Variants in CACNB4 observed in about 807,000 individuals in gnomAD.
CACNB4 encodes the protein calcium voltage-gated channel auxiliary subunit beta 4, also known as voltage-dependent L-type calcium channel subunit beta-4.
CACNB4 carries 32 observed loss-of-function variants against 71.2 expected under a neutral mutation model. The observed-to-expected ratio is 0.45, with a 90% CI of 0.34 to 0.60. CACNB4 has a LOEUF of 0.60. CACNB4 is among the 20% of genes least tolerant of loss of function. CACNB4 has a pLI of 0.01. For synonymous variants in CACNB4, 231 were observed against 236.9 expected (o/e 0.97, Z 0.23); for missense variants, 464 against 647.9 (o/e 0.72, Z 3.08).
chr2:151,907,556 C>T (rs565410854), intron 2 of CACNB4, among the ~76,000 whole-genome samples: 115 of 152,294 alleles, frequency 7.6e-4, no homozygotes, highest in African/African-American at 2.6e-3. Flanking sequence ...ATTAATAAAA[C>T]GCCAGTCTTT....
At chr2:151,855,157 A>G in intron 11 of CACNB4, 67 bp downstream of exon 11, 1 of 1,169,078 alleles carries the variant, frequency 8.6e-7, no homozygotes, top group Non-Finnish European at 1.2e-6. Flanking sequence ...CTAACAAAAA[A>G]CCACAGAGCA....
At chr2:151,956,587 C>A (rs2099868319) in intron 2 of CACNB4, among the ~76,000 whole-genome samples, 2 of 152,238 alleles carry the variant, frequency 1.3e-5, no homozygotes, top group Admixed American at 1.3e-4. Flanking sequence ...TTAAAATGTT[C>A]TAAATTGGTC....
chr2:151,969,253 C>T (rs17270346), intron 2 of CACNB4: 33,570 of 152,054 alleles, frequency 0.22, 3,912 homozygotes, highest in Middle Eastern at 0.41. Context: ...TTTTTGACTC[C>T]AGAAGAGATG....
intron 2 of CACNB4, among the ~76,000 whole-genome samples, chr2:151,939,829 A>C (rs1341258228): frequency 6.6e-6 from 1 of 152,240 alleles, no homozygotes; most frequent in East Asian, 1.9e-4. Context: ...GTTCTTGGGA[A>C]AGCAAAAACA....
At chr2:151,955,500 C>T (rs942798105) in intron 2 of CACNB4, among the ~76,000 whole-genome samples, 5 of 152,182 alleles carry the variant, frequency 3.3e-5, no homozygotes, top group African/African-American at 1.2e-4. Context: ...CCATCCAAGA[C>T]TGCAGGTGGC....
intron 2 of CACNB4, among the ~76,000 whole-genome samples, chr2:151,979,218 G>C (rs1352558718): frequency 6.6e-6 from 1 of 152,138 alleles, no homozygotes; most frequent in Non-Finnish European, 1.5e-5. Flanking sequence ...CGGAGACAGG[G>C]ATAAAGAGGC....
intron 2 of CACNB4, among the ~76,000 whole-genome samples, chr2:151,934,279 T>C (rs776278827): frequency 1.3e-5 from 2 of 152,228 alleles, no homozygotes; most frequent in Non-Finnish European, 2.9e-5. Flanking sequence ...GAAGTGAATG[T>C]CGCCGCTTGG....
At chr2:151,959,075 A>C (rs2099869009) in intron 2 of CACNB4, among the ~76,000 whole-genome samples, 1 of 152,204 alleles carries the variant, frequency 6.6e-6, no homozygotes, top group Non-Finnish European at 1.5e-5. Flanking sequence ...AATCTGGGAA[A>C]TGCTTCCAAA....
At chr2:151,880,616 T>C (rs1052934733) in intron 4 of CACNB4, 184 bp downstream of exon 4, 2 of 633,206 alleles carry the variant, frequency 3.2e-6, no homozygotes, top group South Asian at 1.9e-5. Flanking sequence ...TGTGTGATAA[T>C]GCAAGCAATG....
At chr2:152,080,125 G>A (rs987979887) in intron 2 of CACNB4, among the ~76,000 whole-genome samples, 1 of 151,224 alleles carries the variant, frequency 6.6e-6, no homozygotes, top group African/African-American at 2.4e-5. Flanking sequence ...TTAATTTACT[G>A]TCTTTTTTTT....
At chr2:152,011,880 C>T (rs756973950) in intron 2 of CACNB4, among the ~76,000 whole-genome samples, 20 of 152,160 alleles carry the variant, frequency 1.3e-4, no homozygotes, top group Non-Finnish European at 2.2e-4. Flanking sequence ...CACCTAGTGA[C>T]TCTGTAGCTG....
In CACNB4 at chr2:151,859,375, T is replaced by G. The variant is rs190764096; in HGVS notation, c.868+1336A>C. 9 of 152,314 alleles carry G rather than the reference T, an allele frequency of 5.9e-5. No individual in the cohort carries two copies. In the East Asian group the frequency reaches 1.7e-3, roughly 29 times the overall value. The allele number at this position is 152,314 out of a possible 1,614,324, so 9.4% of individuals were successfully genotyped here. On this transcript the variant is annotated intron_variant, in intron 10 of 13. Coordinates refer to ENST00000539935, the MANE Select transcript of CACNB4 (RefSeq NM_000726.5). ...CCTGGCTTAAGCTTTTAATTATCTTTTAGCCTCTCACCATACATTAGAAGG... is the reference window on the plus strand; with the variant it reads ...CCTGGCTTAAGCTTTTAATTATCTTGTAGCCTCTCACCATACATTAGAAGG...
chr2:152,004,463 T>C (rs952140872), intron 2 of CACNB4, among the ~76,000 whole-genome samples: 1 of 152,028 alleles, frequency 6.6e-6, no homozygotes, highest in Non-Finnish European at 1.5e-5. Flanking sequence ...ACTAGACCAA[T>C]GTGCAAGAGC....
At chr2:152,078,254 G>C (rs183878398) in intron 2 of CACNB4, among the ~76,000 whole-genome samples, 29 of 152,298 alleles carry the variant, frequency 1.9e-4, no homozygotes, top group African/African-American at 6.7e-4. Context: ...AGGGTCCCTG[G>C]AGATGCCTCT....
rs867946073 is a variant in CACNB4, at chr2:152,027,028, T to C, written c.147+71302A>G. ...TTCAAGCGATTCTTCTACCCCAGCC[T>C]CCTCAGTAGCTGGGATTACAGGCAC... On this transcript the variant is annotated intron_variant, in intron 2 of 13. Transcript: ENST00000539935. Among the ~76,000 whole-genome samples, 7 of 152,216 alleles carry C rather than the reference T, an allele frequency of 4.6e-5. No individual in the cohort carries two copies. The East Asian group carries it at 1.4e-3, about 29-fold the overall frequency.
At chr2:152,099,090 G>A (rs367600830), upstream of CACNB4, 4 of 946,732 alleles carry the variant, frequency 4.2e-6, no homozygotes, top group Admixed American at 6.9e-5. Context: ...GCGGACGGAG[G>A]GGGAGGGCGC....
In CACNB4 at chr2:152,001,424, C is replaced by A. The variant is rs897715102; in HGVS notation, c.147+96906G>T. 2.7e-5 allele frequency among the ~76,000 whole-genome samples: 4 copies of A among 148,030 alleles called. No individual in the cohort carries two copies. In the Admixed American group the frequency reaches 2.7e-4, roughly 10 times the overall value. On this transcript the variant is annotated intron_variant, in intron 2 of 13. Coordinates refer to ENST00000539935, the MANE Select transcript of CACNB4 (RefSeq NM_000726.5). ...AACGAGTCGGCCAGGCACGGTGGCGCATGCCTGTAATCCCAGCACTTTAGG... is the reference window on the plus strand; with the variant it reads ...AACGAGTCGGCCAGGCACGGTGGCGAATGCCTGTAATCCCAGCACTTTAGG...
At chr2:152,023,779 G>C (rs1683811595) in intron 2 of CACNB4, among the ~76,000 whole-genome samples, 1 of 152,172 alleles carries the variant, frequency 6.6e-6, no homozygotes, top group African/African-American at 2.4e-5. Context: ...ATTTTAAATA[G>C]CTTTCCTCCA....
Position 151,954,700 on chromosome 2 carries a change from GAGA to G in CACNB4, c.148-71333_148-71331del, listed in dbSNP as rs958504269. Among the ~76,000 whole-genome samples, 9 of 151,936 alleles carry G rather than the reference GAGA, an allele frequency of 5.9e-5. No homozygotes were observed. The East Asian group carries it at 7.7e-4, about 13-fold the overall frequency. On this transcript the variant is annotated intron_variant, in intron 2 of 13. Coordinates refer to ENST00000539935, the MANE Select transcript of CACNB4 (RefSeq NM_000726.5). Reference sequence around the variant, plus strand: ...TTATGATCTGAACTTGGAAATAAAAGAGAAGAAGTTGAAAGAATCCTATTTTCA... The same window carrying G: ...TTATGATCTGAACTTGGAAATAAAAGAGAAGTTGAAAGAATCCTATTTTCA...
Sources: gnomAD v4.1 joint callset for allele counts (sites outside exome capture counted in the v4.1 genomes callset) on GRCh38, gnomAD v4.1.1 for gene constraint, MANE v1.5 for transcripts, NCBI Gene and HGNC (gene_info 2026-07-23, HGNC 2026-07-21) for gene names.